The following WRN variants were observed in gnomAD, a reference collection of about 807,000 sequenced individuals.
The protein encoded by WRN is bifunctional 3'-5' exonuclease/ATP-dependent helicase WRN.
WRN carries 149 observed loss-of-function variants against 180.7 expected under a neutral mutation model. The ratio of observed to expected loss-of-function variants is 0.82; its 90% CI spans 0.72 to 0.94. The LOEUF is 0.94. WRN is among the 40% of genes least tolerant of loss of function. The pLI, the probability that WRN is intolerant of heterozygous loss-of-function variation, is 0.00. For missense variants in WRN, 1,661 were observed against 1,700.1 expected (o/e 0.98, Z 0.40); for synonymous variants, 548 against 568.9 (o/e 0.96, Z 0.52).
At chr8:31,139,149 CATA>C (rs1417439200) in intron 24 of WRN, among the ~76,000 whole-genome samples, 1 of 152,098 alleles carries the variant, frequency 6.6e-6, no homozygotes, top group African/African-American at 2.4e-5. Context: ...AACCTGTAAT[CATA>C]ATGTTTTCAT....
chr8:31,166,157 G>T (rs1222081302), intron 33 of WRN, among the ~76,000 whole-genome samples: 2 of 152,170 alleles, frequency 1.3e-5, no homozygotes, highest in African/African-American at 4.8e-5. Context: ...TTTAAAGAAC[G>T]TCTTTTCAGG....
chr8:31,120,562 AT>A, intron 21 of WRN, 138 bp downstream of exon 21: 1 of 911,542 alleles, frequency 1.1e-6, no homozygotes. Context: ...AAAAAGAAAA[AT>A]AAAACCTCCC....
chr8:31,118,823 G>A (rs774593666), intron 20 of WRN, among the ~76,000 whole-genome samples: 30 of 151,706 alleles, frequency 2.0e-4, no homozygotes, highest in South Asian at 1.9e-3. Context: ...TATTAGTTTC[G>A]TATCTTTTTG....
At chr8:31,049,210 C>CAAAAAAAA (rs72226104) in intron 1 of WRN, among the ~76,000 whole-genome samples, 12 of 31,794 alleles carry the variant, frequency 3.8e-4, no homozygotes, top group African/African-American at 5.8e-4. Context: ...GACTCTGTCT[C>CAAAAAAAA]AAAAAAAAAA....
intron 23 of WRN, among the ~76,000 whole-genome samples, chr8:31,126,625 T>G (rs1367591078): frequency 6.6e-6 from 1 of 151,874 alleles, no homozygotes; most frequent in Non-Finnish European, 1.5e-5. Context: ...CATAAGGAAA[T>G]AACAAAGAAC....
At chr8:31,066,824 C>A (rs1373598156) in intron 5 of WRN, among the ~76,000 whole-genome samples, 1 of 152,024 alleles carries the variant, frequency 6.6e-6, no homozygotes, top group Non-Finnish European at 1.5e-5. Flanking sequence ...ATTTTTAATA[C>A]CTACATTAGG....
chr8:31,111,820 G>A, intron 19 of WRN, 21 bp downstream of exon 19: 2 of 1,604,756 alleles, frequency 1.2e-6, no homozygotes, highest in Non-Finnish European at 1.7e-6. Flanking sequence ...AATGGTTGAT[G>A]AATTTTGGTA....
chr8:31,169,998 G>C (rs1055981629), intron 34 of WRN, among the ~76,000 whole-genome samples: 1 of 152,112 alleles, frequency 6.6e-6, no homozygotes, highest in African/African-American at 2.4e-5. Context: ...TCATTAATCT[G>C]TCTTTCCAGT....
Position 31,147,087 on chromosome 8 carries a change from T to TC in WRN, c.3420dup (p.Ser1141LeufsTer24). 6.2e-7 allele frequency: 1 copy of TC among 1,613,844 alleles called. No individual in the cohort carries two copies. Among genetic ancestry groups the TC allele is most frequent in the Non-Finnish European group, 8.5e-7 (1 of 1,179,850 alleles). On this transcript the variant is annotated frameshift_variant, in exon 29 of 35. Coordinates refer to ENST00000298139, the MANE Select transcript of WRN (RefSeq NM_000553.6). LOFTEE classifies it high-confidence loss of function. ...ACAGTCACCAGAAAAAGCTTACAGTTCCTCACAGCCTGTTATTTCGGCACA... is the reference window on the plus strand; with the variant it reads ...ACAGTCACCAGAAAAAGCTTACAGTTCCCTCACAGCCTGTTATTTCGGCACA...
intron 32 of WRN, among the ~76,000 whole-genome samples, chr8:31,155,579 G>A (rs547735914): frequency 2.8e-4 from 39 of 141,498 alleles, no homozygotes; most frequent in African/African-American, 9.9e-4. Context: ...CTGAGATTGC[G>A]ACACTGCATT....
At chr8:31,141,898 C>G (rs942696751) in intron 26 of WRN, 123 bp downstream of exon 26, 5 of 941,440 alleles carry the variant, frequency 5.3e-6, no homozygotes, top group Non-Finnish European at 8.3e-6. Context: ...TTTTGTATGC[C>G]TATTTTAGTC....
chr8:31,141,585 C>T lies in WRN; in HGVS notation c.3123C>T (p.Cys1041=), dbSNP rs773664315. ...GGTATAACAAATTTATGAAGATTTG[C>T]GCCCTTACGAAAAAGGTAAACGGTG... ...VSRYNKFMKI[C]ALTKKGRNWL... is the part of the protein sequence containing the mutation. The change falls in exon 25 of 35, where the codon TGC becomes TGT. Residue 1041 remains cysteine (C), a synonymous_variant. Coordinates refer to ENST00000298139, the MANE Select transcript of WRN (RefSeq NM_000553.6). 49 of 1,613,910 alleles carry T rather than the reference C, an allele frequency of 3.0e-5. No homozygotes were observed. In the South Asian group the frequency reaches 4.9e-4, roughly 16 times the overall value.
chr8:31,039,177 A>G (rs1811556233), intron 1 of WRN, among the ~76,000 whole-genome samples: 1 of 152,202 alleles, frequency 6.6e-6, no homozygotes, highest in African/African-American at 2.4e-5. Flanking sequence ...TCTTAACAAT[A>G]TTAAGTCTTT....
At chr8:31,057,751 T>C (rs1812329834) in intron 1 of WRN, among the ~76,000 whole-genome samples, 1 of 152,242 alleles carries the variant, frequency 6.6e-6, no homozygotes, top group South Asian at 2.1e-4. Context: ...TCTGTTTTTT[T>C]TTTTTAAATG....
intron 33 of WRN, among the ~76,000 whole-genome samples, chr8:31,162,988 A>T (rs1166582508): frequency 1.3e-5 from 2 of 152,238 alleles, no homozygotes; most frequent in Non-Finnish European, 2.9e-5. Context: ...TTGAATAGGC[A>T]CTTAAGAATG....
chr8:31,091,717 T>G (rs1397901926), intron 15 of WRN, 113 bp from the exon 16 acceptor site: 6 of 1,103,458 alleles, frequency 5.4e-6, no homozygotes, highest in East Asian at 5.3e-5. Context: ...AAAAGAAAAT[T>G]GCAAAGAACA....
intron 1 of WRN, among the ~76,000 whole-genome samples, chr8:31,038,658 T>C (rs576221585): frequency 1.3e-5 from 2 of 152,306 alleles, no homozygotes; most frequent in South Asian, 4.1e-4. Context: ...TTCTGTTATG[T>C]TTTCTTTTAA....
At chr8:31,169,060 A>G (rs1450062873) in intron 34 of WRN, among the ~76,000 whole-genome samples, 1 of 151,970 alleles carries the variant, frequency 6.6e-6, no homozygotes, top group Non-Finnish European at 1.5e-5. Flanking sequence ...AAGTTTTCTT[A>G]AATCATACTT....
chr8:31,133,016 T>TG, intron 24 of WRN, among the ~76,000 whole-genome samples: 1 of 152,346 alleles, frequency 6.6e-6, no homozygotes, highest in South Asian at 2.1e-4. Context: ...AAATTGTGGT[T>TG]TTTGCCTTTA....
Sources: gnomAD v4.1 joint callset for allele counts (sites outside exome capture counted in the v4.1 genomes callset) on GRCh38, gnomAD v4.1.1 for gene constraint, MANE v1.5 for transcripts, NCBI Gene and HGNC (gene_info 2026-07-23, HGNC 2026-07-21) for gene names.